The following TBXAS1 variants were observed in gnomAD, a reference collection of about 807,000 sequenced individuals.
The protein encoded by TBXAS1 is thromboxane A synthase 1.
TBXAS1 carries 48 observed loss-of-function variants against 60.7 expected under a neutral mutation model. The ratio of observed to expected loss-of-function variants is 0.79; its 90% CI spans 0.63 to 1.01. The LOEUF (loss-of-function observed/expected upper bound fraction) is 1.01. Among genes scored for constraint, TBXAS1 ranks in the 50% least tolerant of loss-of-function variants. The pLI is 0.00. For missense variants in TBXAS1, 685 were observed against 686.3 expected (o/e 1.00, Z 0.02); for synonymous variants, 287 against 269.7 (o/e 1.06, Z -0.63).
intron 9 of TBXAS1, among the ~76,000 whole-genome samples, chr7:139,979,727 C>CAATAAT (rs58553105): frequency 0.027 from 3,777 of 139,674 alleles, 66 homozygotes; most frequent in African/African-American, 0.04. Context: ...GATTCCATCT[C>CAATAAT]AATAATAATA....
At chr7:139,908,858 T>C (rs889328635) in intron 3 of TBXAS1, among the ~76,000 whole-genome samples, 3 of 152,242 alleles carry the variant, frequency 2.0e-5, no homozygotes, top group Admixed American at 6.5e-5. Context: ...AGGGTAAATA[T>C]GTGAGTGACA....
intron 4 of TBXAS1, among the ~76,000 whole-genome samples, chr7:139,926,155 T>C (rs78826005): frequency 0.054 from 8,151 of 152,270 alleles, 521 homozygotes; most frequent in African/African-American, 0.15. Flanking sequence ...TAGGGTATGC[T>C]GGCCTCCTGG....
chr7:139,947,133 A>C (rs949933124), intron 5 of TBXAS1, among the ~76,000 whole-genome samples: 3 of 152,014 alleles, frequency 2.0e-5, no homozygotes, highest in African/African-American at 7.2e-5. Context: ...TTTCACAGAC[A>C]CAGTTGGTAG....
chr7:139,962,482 C>T (rs1810451607), intron 9 of TBXAS1: 1 of 448,978 alleles, frequency 2.2e-6, no homozygotes, highest in Admixed American at 3.4e-5. Context: ...TCCATGAAGC[C>T]AGGCCTGGCT....
intron 4 of TBXAS1, among the ~76,000 whole-genome samples, chr7:139,823,631 G>A (rs957783536): frequency 2.6e-5 from 4 of 152,070 alleles, no homozygotes; most frequent in Non-Finnish European, 4.4e-5. Context: ...TATCATAACC[G>A]TGGGCTGGCT....
At chr7:139,893,805 C>G (rs1206178136) in intron 3 of TBXAS1, among the ~76,000 whole-genome samples, 2 of 152,192 alleles carry the variant, frequency 1.3e-5, no homozygotes, top group Admixed American at 6.5e-5. Flanking sequence ...CTGCCTGTCC[C>G]CCTCTGGGGA....
At chr7:139,905,478 C>T (rs1226319174) in intron 3 of TBXAS1, among the ~76,000 whole-genome samples, 3 of 151,992 alleles carry the variant, frequency 2.0e-5, no homozygotes, top group Non-Finnish European at 4.4e-5. Context: ...ACCTGATGTT[C>T]GTGGATTATC....
In TBXAS1 at chr7:140,015,738, A is replaced by G; in HGVS notation, c.1242A>G (p.Ala414=). 1 of 1,613,464 alleles carries G rather than the reference A, an allele frequency of 6.2e-7. No homozygotes were observed. Among genetic ancestry groups the G allele is most frequent in the Non-Finnish European group, 8.5e-7 (1 of 1,180,018 alleles). Residue 414 remains alanine, a synonymous_variant, in exon 11 of 13, where the codon GCA becomes GCG. Transcript: ENST00000448866. ...YPPAFRFTRE[A]AQDCEVLGQR... The stretch of plus-strand genomic sequence containing the variant: ...TTTCCCTCAGATTCACACGGGAGGC[A>G]GCTCAGGACTGCGAGGTGCTGGGGC...
Position 139,865,611 on chromosome 7 carries a change from G to A in TBXAS1, c.90-6624G>A, listed in dbSNP as rs957881389. On this transcript the variant is annotated intron_variant, in intron 1 of 12. Transcript: ENST00000448866. ...AGGAGGAGGAGGAGGAGGAAGAGGA[G>A]GAGGAGGAAGAGGAGGAGGAGGAAG... Among the ~76,000 whole-genome samples the A allele has an allele frequency of 1.1e-4, 10 of 89,910 alleles. 1 individual carries two copies. The highest frequency in any genetic ancestry group is 4.1e-4 in the African/African-American group (10 of 24,440). 59.0% of individuals were successfully genotyped at this position (89,910 alleles called of 152,430 possible). A position where few individuals can be genotyped will look rare whatever the true frequency, so the allele number is the denominator to read the frequency against.
rs759453543 is a variant in TBXAS1 at position 139,911,612 on chromosome 7, G to A, written c.333+291G>A. On this transcript the variant is annotated intron_variant, in intron 4 of 12. Coordinates refer to ENST00000448866, the MANE Select transcript of TBXAS1 (RefSeq NM_001061.7). ...GTTTTCTAAAGCTGGGTTCAAAGCC[G>A]GGGGAATCCAGAGGGCACAGGCCAA... Among the ~76,000 whole-genome samples the A allele has an allele frequency of 1.3e-4, 20 of 152,222 alleles. No individual in the cohort carries two copies. In the East Asian group the frequency reaches 1.5e-3, roughly 12 times the overall value.
intron 1 of TBXAS1, among the ~76,000 whole-genome samples, chr7:139,836,010 G>A (rs560366828): frequency 6.7e-6 from 1 of 150,044 alleles, no homozygotes; most frequent in Non-Finnish European, 1.5e-5. Flanking sequence ...AAATCAAGAA[G>A]TCAACCCCTT....
chr7:139,877,525 C>T (rs1003866994), intron 3 of TBXAS1, among the ~76,000 whole-genome samples: 16 of 144,768 alleles, frequency 1.1e-4, no homozygotes, highest in South Asian at 2.2e-4. Flanking sequence ...TGAGCTCAAG[C>T]GATGCTCCTG....
At chr7:139,957,612 A>G in intron 7 of TBXAS1, 22 bp from the exon 8 acceptor site, 1 of 1,613,782 alleles carries the variant, frequency 6.2e-7, no homozygotes, top group South Asian at 1.1e-5. Flanking sequence ...TTTCAATGCC[A>G]CTTTTGTTTT....
chr7:139,934,940 A>G (rs1397465873), intron 4 of TBXAS1, among the ~76,000 whole-genome samples: 1 of 152,168 alleles, frequency 6.6e-6, no homozygotes, highest in Admixed American at 6.5e-5. Context: ...CAGCCTCCCA[A>G]GTAGCTGGGA....
chr7:139,998,504 C>T (rs191379607), intron 9 of TBXAS1, among the ~76,000 whole-genome samples: 3 of 152,120 alleles, frequency 2.0e-5, no homozygotes, highest in Non-Finnish European at 2.9e-5. Context: ...ATTAACTGGC[C>T]GTGCGACCTG....
In TBXAS1 at chr7:139,965,110, C is replaced by T. The variant is rs186518455; in HGVS notation, c.1134+2877C>T. Among the ~76,000 whole-genome samples the T allele has an allele frequency of 4.6e-3, 693 of 152,126 alleles. 8 individuals are homozygous for T. Among genetic ancestry groups the T allele is most frequent in the Middle Eastern group, 6.8e-3 (2 of 294 alleles). On this transcript the variant is annotated intron_variant, in intron 9 of 12. Coordinates refer to ENST00000448866, the MANE Select transcript of TBXAS1 (RefSeq NM_001061.7). ...GCACATGCCTGTAATCCCAGCTACTCGGGAGGCTGAGGCAGGAGAATCACT... is the reference window on the plus strand; with the variant it reads ...GCACATGCCTGTAATCCCAGCTACTTGGGAGGCTGAGGCAGGAGAATCACT...
chr7:139,913,010 C>A, intron 4 of TBXAS1: 1 of 669,598 alleles, frequency 1.5e-6, no homozygotes, highest in South Asian at 1.5e-5. Flanking sequence ...TTCAGGATGT[C>A]AAGGTTGAGT....
chr7:139,810,414 CTT>C (rs1224444188), intron 4 of TBXAS1, among the ~76,000 whole-genome samples: 1 of 152,148 alleles, frequency 6.6e-6, no homozygotes, highest in African/African-American at 2.4e-5. Context: ...AGAGTTATCT[CTT>C]GGGCTGAACA....
intron 1 of TBXAS1, among the ~76,000 whole-genome samples, chr7:139,853,688 C>T (rs1173502985): frequency 5.3e-5 from 8 of 152,128 alleles, no homozygotes; most frequent in African/African-American, 9.7e-5. Flanking sequence ...TGGGGTTCAC[C>T]GGAGGCAGAT....
Sources: gnomAD v4.1 joint callset for allele counts (sites outside exome capture counted in the v4.1 genomes callset) on GRCh38, gnomAD v4.1.1 for gene constraint, MANE v1.5 for transcripts, NCBI Gene and HGNC (gene_info 2026-07-23, HGNC 2026-07-21) for gene names.